The following AFAP1 variants were observed in gnomAD, a reference collection of about 807,000 sequenced individuals.
AFAP1 encodes actin filament-associated protein 1.
In AFAP1, 75 loss-of-function variants were observed where a neutral mutation model predicts 93.9. The ratio of observed to expected loss-of-function variants is 0.80; its 90% CI spans 0.66 to 0.97. The LOEUF (loss-of-function observed/expected upper bound fraction) is 0.97, where lower values mean the gene tolerates loss of function less well. AFAP1 is among the 50% of genes least tolerant of loss of function. The probability of loss-of-function intolerance (pLI) is 0.00; values close to 1 mark genes in which losing one functional copy is unlikely to be tolerated. For missense variants in AFAP1, 1,201 were observed against 1,050.8 expected (o/e 1.14, Z -1.98); for synonymous variants, 517 against 430.7 (o/e 1.20, Z -2.48).
intron 1 of AFAP1, among the ~76,000 whole-genome samples, chr4:7,903,821 A>T (rs1226792567): frequency 6.6e-6 from 1 of 152,192 alleles, no homozygotes; most frequent in Non-Finnish European, 1.5e-5. Context: ...GAAAAAAAGG[A>T]GGCGGGCGGG....
At chr4:7,900,530 A>G (rs1719057893) in intron 1 of AFAP1, among the ~76,000 whole-genome samples, 2 of 152,222 alleles carry the variant, frequency 1.3e-5, no homozygotes, top group Admixed American at 6.5e-5. Flanking sequence ...CCCAGGAAGC[A>G]ATTACTTCAT....
rs1468915907 is a variant in AFAP1, at chr4:7,854,333, C to T, written c.334+1133G>A. On this transcript the variant is annotated intron_variant, in intron 4 of 17. Coordinates refer to ENST00000420658, the MANE Select transcript of AFAP1 (RefSeq NM_001134647.2). Reference sequence around the variant, plus strand: ...TTGACATTTGGCCCAGTCTGTGCCCCGACTGCTCCAGAAGCTGAGGAGACA... The same window carrying T: ...TTGACATTTGGCCCAGTCTGTGCCCTGACTGCTCCAGAAGCTGAGGAGACA... 2.0e-5 allele frequency among the ~76,000 whole-genome samples: 3 copies of T among 152,284 alleles called. No individual in the cohort carries two copies. In the East Asian group the frequency reaches 5.8e-4, roughly 29 times the overall value.
Position 7,855,451 on chromosome 4 carries a change from G to C in AFAP1, c.334+15C>G. On this transcript the variant is annotated intron_variant, in intron 4 of 17. Transcript: ENST00000420658. Reference sequence around the variant, plus strand: ...ATCACAAAGGCAGCATGGCTGGGCAGGGCTGGCCACTCACTTGATGTGATG... The same window carrying C: ...ATCACAAAGGCAGCATGGCTGGGCACGGCTGGCCACTCACTTGATGTGATG... 1 of 1,569,414 alleles carries C rather than the reference G, an allele frequency of 6.4e-7. No homozygotes were observed. The highest frequency in any genetic ancestry group is 1.2e-5 in the South Asian group (1 of 86,274).
chr4:7,782,023 G>C (rs906180196), intron 12 of AFAP1, among the ~76,000 whole-genome samples: 1 of 152,176 alleles, frequency 6.6e-6, no homozygotes, highest in African/African-American at 2.4e-5. Context: ...CCTAGCGCAG[G>C]GCGTGGATGG....
chr4:7,872,301 A>G (rs1717122180), intron 1 of AFAP1: 2 of 465,480 alleles, frequency 4.3e-6, no homozygotes, highest in Admixed American at 3.9e-5. Flanking sequence ...AGGCAGCAAA[A>G]TTCAACTGGG....
At chr4:7,887,307 T>C (rs768014974) in intron 1 of AFAP1, among the ~76,000 whole-genome samples, 1 of 151,832 alleles carries the variant, frequency 6.6e-6, no homozygotes, top group Non-Finnish European at 1.5e-5. Flanking sequence ...TTTGGGTATC[T>C]AAGTGTGGGG....
rs11731131 is a variant in AFAP1 at position 7,918,764 on chromosome 4, A to T, written c.-3+20892T>A. Among the ~76,000 whole-genome samples the T allele has an allele frequency of 1.9e-5, 2 of 103,214 alleles. 1 individual carries two copies. The highest frequency in any genetic ancestry group is 9.2e-5 in the African/African-American group (2 of 21,742). 67.7% of individuals were successfully genotyped at this position (103,214 alleles called of 152,430 possible). ...CAGGTCACCAAGAAACAGGGCTGCCAGAAGAGACACTCGGCCCAGGTCACC... is the reference window on the plus strand; with the variant it reads ...CAGGTCACCAAGAAACAGGGCTGCCTGAAGAGACACTCGGCCCAGGTCACC... On this transcript the variant is annotated intron_variant, in intron 1 of 17. Transcript: ENST00000420658.
intron 5 of AFAP1, among the ~76,000 whole-genome samples, chr4:7,838,936 C>G (rs1712653306): frequency 6.6e-6 from 1 of 152,180 alleles, no homozygotes; most frequent in African/African-American, 2.4e-5. Flanking sequence ...GAAAAACTTA[C>G]TGAGCATCTA....
chr4:7,868,628 G>A lies in AFAP1; in HGVS notation c.219C>T (p.Pro73=), dbSNP rs1232006186. 41 of 1,611,646 alleles carry A rather than the reference G, an allele frequency of 2.5e-5. No homozygotes were observed. Among genetic ancestry groups the A allele is most frequent in the Non-Finnish European group, 3.5e-5 (41 of 1,179,736 alleles). Reference sequence around the variant, plus strand: ...TGGTGGGACCTTGACTCACCAGCCAGGGCTGAGGGATCTCCGGCAGGGGCA... The same window carrying A: ...TGGTGGGACCTTGACTCACCAGCCAAGGCTGAGGGATCTCCGGCAGGGGCA... The part of the protein sequence containing the change: ...PQMPLPEIPQ[P]WLPPDSGPPP... Residue 73 remains proline (P), a synonymous_variant, in exon 3 of 18, where the codon CCC becomes CCT. Coordinates refer to ENST00000420658, the MANE Select transcript of AFAP1 (RefSeq NM_001134647.2).
chr4:7,842,882 G>A (rs1428351542), intron 5 of AFAP1: 16 of 469,496 alleles, frequency 3.4e-5, no homozygotes, highest in East Asian at 2.7e-4. Context: ...GGCCCTGCCC[G>A]GGAATGGGAA....
intron 1 of AFAP1, among the ~76,000 whole-genome samples, chr4:7,927,779 G>T (rs1410519885): frequency 6.6e-6 from 1 of 152,072 alleles, no homozygotes; most frequent in Non-Finnish European, 1.5e-5. Flanking sequence ...TCTAGAGAAG[G>T]GGGGATAAAA....
intron 1 of AFAP1, among the ~76,000 whole-genome samples, chr4:7,893,609 T>C (rs1718600465): frequency 7.1e-6 from 1 of 141,652 alleles, no homozygotes; most frequent in Non-Finnish European, 1.5e-5. Flanking sequence ...AGGTTAAGGG[T>C]TAAAGGATTT....
At chr4:7,815,218 C>G (rs1720371371) in intron 8 of AFAP1, among the ~76,000 whole-genome samples, 2 of 152,120 alleles carry the variant, frequency 1.3e-5, no homozygotes, top group Non-Finnish European at 2.9e-5. Flanking sequence ...ATTCATGAGA[C>G]AGGAAGCAAA....
chr4:7,871,154 C>T (rs754258639), intron 2 of AFAP1, among the ~76,000 whole-genome samples: 3 of 152,164 alleles, frequency 2.0e-5, no homozygotes, highest in Non-Finnish European at 4.4e-5. Flanking sequence ...TTCTTATTGC[C>T]TGCTTTTTAT....
intron 9 of AFAP1, among the ~76,000 whole-genome samples, chr4:7,803,954 T>C (rs1719273188): frequency 6.6e-6 from 1 of 152,104 alleles, no homozygotes; most frequent in Admixed American, 6.5e-5. Context: ...CCCTACCCCA[T>C]CCAGCCCCCT....
At chr4:7,818,982 C>A (rs1420987701) in intron 7 of AFAP1, 94 bp downstream of exon 7, 5 of 1,182,198 alleles carry the variant, frequency 4.2e-6, no homozygotes, top group South Asian at 1.8e-5. Context: ...TAACTGGAAG[C>A]GCTGAAATTC....
intron 1 of AFAP1, among the ~76,000 whole-genome samples, chr4:7,904,099 T>G (rs900608107): frequency 4.6e-5 from 7 of 152,144 alleles, no homozygotes; most frequent in African/African-American, 1.7e-4. Flanking sequence ...CTTCCATGTC[T>G]TTTCTTAATT....
At chr4:7,933,284 C>T (rs1721196249) in intron 1 of AFAP1, among the ~76,000 whole-genome samples, 1 of 151,886 alleles carries the variant, frequency 6.6e-6, no homozygotes, top group African/African-American at 2.4e-5. Context: ...CCTTTAAGAG[C>T]ACAGAACTGG....
At chr4:7,933,928 C>T (rs996754908) in intron 1 of AFAP1, among the ~76,000 whole-genome samples, 5 of 152,206 alleles carry the variant, frequency 3.3e-5, no homozygotes, top group African/African-American at 9.7e-5. Context: ...TTATTTTAAG[C>T]CACTAAATTT....
Sources: allele counts gnomAD v4.1 joint callset (sites outside exome capture counted in the v4.1 genomes callset), GRCh38; gene constraint gnomAD v4.1.1; transcripts MANE v1.5; gene names NCBI Gene and HGNC (gene_info 2026-07-23, HGNC 2026-07-21).